Variants in ANTXR1 observed in about 807,000 individuals in gnomAD.
ANTXR1 encodes ANTXR cell adhesion molecule 1, also known as anthrax toxin receptor 1.
ANTXR1 carries 19 observed loss-of-function variants against 78.1 expected under a neutral mutation model. The ratio of observed to expected loss-of-function variants is 0.24; its 90% CI spans 0.17 to 0.36. The LOEUF is 0.36. Ranked by LOEUF, ANTXR1 falls within the 10% of genes least tolerant of loss-of-function variation. The pLI, the probability that ANTXR1 is intolerant of heterozygous loss-of-function variation, is 1.00. For synonymous variants in ANTXR1, 273 were observed against 260.5 expected (o/e 1.05, Z -0.46); for missense variants, 518 against 718.6 (o/e 0.72, Z 3.19).
chr2:69,190,661 G>C (rs1674524252), intron 16 of ANTXR1, among the ~76,000 whole-genome samples: 1 of 152,164 alleles, frequency 6.6e-6, no homozygotes, highest in Non-Finnish European at 1.5e-5. Flanking sequence ...AACCCATAGA[G>C]CTGGTGAAAA....
At position 69,013,575 on chromosome 2, in the gene ANTXR1, G is replaced by T; in HGVS notation, c.76G>T (p.Ala26Ser). ...TTTGGCCACTCTGGTGCTCATCTGCGCCGGGCAAGGGGGACGCAGGGAGGA... is the reference window on the plus strand; with the variant it reads ...TTTGGCCACTCTGGTGCTCATCTGCTCCGGGCAAGGGGGACGCAGGGAGGA... ...LSLATLVLIC[A>S]GQGGRREDGG... is the part of the protein sequence containing the mutation. The change falls in exon 1 of 18, where the codon GCC (alanine) becomes TCC (serine). Residue 26 changes from alanine (A) to serine (S), a missense_variant. Ala to Ser is a moderately conservative substitution (Grantham distance 99). Transcript: ENST00000303714. This position sits in a 1 kb window ranked among gnomAD's most constrained non-coding sequence, Gnocchi z 5.0. 1.9e-6 allele frequency: 3 copies of T among 1,571,118 alleles called. No homozygotes were observed. The highest frequency in any genetic ancestry group is 2.6e-6 in the Non-Finnish European group (3 of 1,157,858).
At chr2:69,145,530 A>G (rs1191096588) in intron 12 of ANTXR1, 1 of 1,434,788 alleles carries the variant, frequency 7.0e-7, no homozygotes, top group Non-Finnish European at 9.1e-7. Context: ...CAACATGGAA[A>G]GAAACATCAG....
intron 17 of ANTXR1, among the ~76,000 whole-genome samples, chr2:69,239,386 T>G (rs532249026): frequency 6.6e-6 from 1 of 152,168 alleles, no homozygotes; most frequent in Admixed American, 6.5e-5. Flanking sequence ...CTGGCCAACA[T>G]AGCGAAACCC....
chr2:69,158,257 C>T (rs1673579958), intron 13 of ANTXR1, among the ~76,000 whole-genome samples: 1 of 152,238 alleles, frequency 6.6e-6, no homozygotes, highest in South Asian at 2.1e-4. Context: ...GCTCATTAAA[C>T]ATATCAGGTA....
chr2:69,153,320 A>T (rs1673445513), intron 13 of ANTXR1, among the ~76,000 whole-genome samples: 1 of 152,168 alleles, frequency 6.6e-6, no homozygotes, highest in East Asian at 1.9e-4. Context: ...CCACAGAGAG[A>T]CAGAGCACTG....
intron 5 of ANTXR1, among the ~76,000 whole-genome samples, 154 bp from the exon 6 acceptor site, chr2:69,072,868 C>T (rs1321473514): frequency 6.6e-6 from 1 of 152,232 alleles, no homozygotes; most frequent in Non-Finnish European, 1.5e-5. Context: ...CTTCTTCATG[C>T]TGGAGTTGCT....
chr2:69,079,198 C>A (rs1670827384), intron 8 of ANTXR1, among the ~76,000 whole-genome samples: 2 of 152,100 alleles, frequency 1.3e-5, no homozygotes, highest in African/African-American at 4.8e-5. Context: ...GTTGTCAGTC[C>A]ACAGGTGAAG....
At chr2:69,031,221 G>T (rs979769348) in intron 1 of ANTXR1, among the ~76,000 whole-genome samples, 3 of 152,142 alleles carry the variant, frequency 2.0e-5, no homozygotes, top group African/African-American at 7.2e-5. Context: ...AGCTTCATGG[G>T]CATGGGACCT....
intron 12 of ANTXR1, 110 bp downstream of exon 12, chr2:69,124,753 C>A: frequency 8.8e-7 from 1 of 1,137,604 alleles, no homozygotes; most frequent in Non-Finnish European, 1.3e-6. Flanking sequence ...TTTGGTTCTT[C>A]GTTCTGCTTG....
chr2:69,018,137 G>T (rs1296364518), intron 1 of ANTXR1, among the ~76,000 whole-genome samples: 1 of 152,046 alleles, frequency 6.6e-6, no homozygotes, highest in Non-Finnish European at 1.5e-5. Flanking sequence ...TTATTTATAG[G>T]ACTTGCCAAA....
At chr2:69,146,514 A>G in intron 12 of ANTXR1, 1 of 488,986 alleles carries the variant, frequency 2.0e-6, no homozygotes. Flanking sequence ...GGTGAACTAC[A>G]TGCAGGGGCT....
intron 1 of ANTXR1, among the ~76,000 whole-genome samples, chr2:69,027,814 C>CAA (rs551034885): frequency 1.0e-5 from 1 of 100,484 alleles, no homozygotes; most frequent in Non-Finnish European, 2.3e-5. Context: ...TTTTCAGTAG[C>CAA]AAAAAAAAAA....
Position 69,102,874 on chromosome 2 carries a change from T to C in ANTXR1, c.736T>C (p.Phe246Leu), listed in dbSNP as rs750663040. ...TCAAGTTGTCGTGAGAGGAAACGGC[T>C]TCCGACATGCCCGCAACGTGGACAG... ...SFQVVVRGNGFRHARNVDRVL... is the reference protein window; with the variant it reads ...SFQVVVRGNGLRHARNVDRVL... The change falls in exon 10 of 18, where the codon TTC (phenylalanine) becomes CTC (leucine). Residue 246 changes from phenylalanine to leucine, a missense_variant. This residue lies in a region of ANTXR1 where 264 missense variants were observed against 391.8 expected (regional missense o/e 0.67). Coordinates refer to ENST00000303714, the MANE Select transcript of ANTXR1 (RefSeq NM_032208.3). The C allele has an allele frequency of 5.6e-6, 9 of 1,614,168 alleles. No individual in the cohort carries two copies. In the South Asian group the frequency reaches 8.8e-5, roughly 16 times the overall value.
At chr2:69,235,677 T>TAAA in intron 17 of ANTXR1, among the ~76,000 whole-genome samples, 1 of 113,366 alleles carries the variant, frequency 8.8e-6, no homozygotes. Flanking sequence ...AAAAAAAGAA[T>TAAA]AGACTCTATG....
chr2:69,232,177 A>T (rs945210484), intron 17 of ANTXR1, among the ~76,000 whole-genome samples: 3 of 152,220 alleles, frequency 2.0e-5, no homozygotes, highest in African/African-American at 7.2e-5. Context: ...TTGGACTTCA[A>T]TAAAGCAAGC....
At chr2:69,125,093 T>C (rs1440651601) in intron 12 of ANTXR1, among the ~76,000 whole-genome samples, 1 of 151,724 alleles carries the variant, frequency 6.6e-6, no homozygotes, top group Admixed American at 6.6e-5. Flanking sequence ...TTTGGGGAGG[T>C]CATTTTATTT....
At chr2:69,213,491 T>TA (rs1309085359) in intron 17 of ANTXR1, among the ~76,000 whole-genome samples, 2 of 152,198 alleles carry the variant, frequency 1.3e-5, no homozygotes, top group Non-Finnish European at 2.9e-5. Flanking sequence ...TCTGTACATT[T>TA]AAAACGTGCC....
intron 3 of ANTXR1, among the ~76,000 whole-genome samples, chr2:69,050,787 T>TTA (rs1317223085): frequency 6.6e-6 from 1 of 152,212 alleles, no homozygotes; most frequent in East Asian, 1.9e-4. Flanking sequence ...GTATCTTTGG[T>TTA]TATATCCCTT....
At chr2:69,084,321 A>G (rs72897353) in intron 8 of ANTXR1, among the ~76,000 whole-genome samples, 3,178 of 152,324 alleles carry the variant, frequency 0.021, 107 homozygotes, top group African/African-American at 0.071. Flanking sequence ...AACCTTGTTT[A>G]TCCTACACTC....
Sources: allele counts gnomAD v4.1 joint callset (sites outside exome capture counted in the v4.1 genomes callset), GRCh38; gene constraint gnomAD v4.1.1; regional missense constraint gnomAD v4.1.1; non-coding constraint Gnocchi (gnomAD v3.1); transcripts MANE v1.5; gene names NCBI Gene and HGNC (gene_info 2026-07-23, HGNC 2026-07-21).